SGCZ: variants seen among roughly 807,000 people sequenced by gnomAD.
SGCZ encodes the protein zeta-sarcoglycan.
SGCZ carries 40 observed loss-of-function variants against 41.3 expected under a neutral mutation model. The ratio of observed to expected loss-of-function variants is 0.97; its 90% confidence interval spans 0.75 to 1.26. The LOEUF is 1.26. SGCZ is among the 50% of genes most tolerant of loss of function. The pLI is 0.00. For missense variants in SGCZ, 552 were observed against 369.8 expected (o/e 1.49, Z -4.04); for synonymous variants, 206 against 137.5 (o/e 1.50, Z -3.49).
intron 1 of SGCZ, among the ~76,000 whole-genome samples, chr8:14,849,339 A>C (rs949224184): frequency 2.6e-5 from 4 of 152,146 alleles, no homozygotes; most frequent in African/African-American, 9.7e-5. Context: ...ATATCTCACC[A>C]AGAAAAAAAT....
At chr8:15,156,153 AT>A (rs1303438836) in intron 1 of SGCZ, among the ~76,000 whole-genome samples, 2 of 151,620 alleles carry the variant, frequency 1.3e-5, no homozygotes, top group Non-Finnish European at 2.9e-5. Context: ...GGTAACTTTC[AT>A]TTTTTTCTGT....
At chr8:14,292,717 G>C (rs1800882840) in intron 3 of SGCZ, among the ~76,000 whole-genome samples, 1 of 152,036 alleles carries the variant, frequency 6.6e-6, no homozygotes, top group African/African-American at 2.4e-5. Flanking sequence ...ACATTAGACA[G>C]GTTCTTTTAT....
At chr8:14,743,464 T>A (rs2081468089) in intron 1 of SGCZ, among the ~76,000 whole-genome samples, 2 of 152,060 alleles carry the variant, frequency 1.3e-5, no homozygotes, top group African/African-American at 2.4e-5. Flanking sequence ...AAAAGTAAAA[T>A]GAATCAGATT....
chr8:15,166,539 C>T (rs1439996048), intron 1 of SGCZ, among the ~76,000 whole-genome samples: 2 of 152,140 alleles, frequency 1.3e-5, no homozygotes, highest in Admixed American at 6.5e-5. Context: ...TGAGCCACCA[C>T]GCCTGGCCGA....
chr8:14,383,000 G>A (rs1029351140), intron 2 of SGCZ, among the ~76,000 whole-genome samples: 2 of 152,108 alleles, frequency 1.3e-5, no homozygotes, highest in African/African-American at 4.8e-5. Context: ...ATATGTGGAA[G>A]CATGCCACCA....
intron 1 of SGCZ, among the ~76,000 whole-genome samples, chr8:14,831,031 G>A (rs1253597127): frequency 1.3e-5 from 2 of 152,098 alleles, no homozygotes; most frequent in Non-Finnish European, 2.9e-5. Flanking sequence ...AAGTAATAAT[G>A]TGAACTTGGA....
At chr8:14,443,436 C>T (rs1451758935) in intron 2 of SGCZ, among the ~76,000 whole-genome samples, 1 of 152,120 alleles carries the variant, frequency 6.6e-6, no homozygotes, top group Non-Finnish European at 1.5e-5. Flanking sequence ...GTAACCAAAA[C>T]AGCATGGTAC....
intron 5 of SGCZ, among the ~76,000 whole-genome samples, chr8:14,147,975 A>C (rs2116943490): frequency 6.6e-6 from 1 of 152,300 alleles, no homozygotes; most frequent in African/African-American, 2.4e-5. Context: ...TAAAGAAATT[A>C]AGAAGGAAAT....
At chr8:14,507,965 T>C (rs1293547347) in intron 2 of SGCZ, among the ~76,000 whole-genome samples, 1 of 152,084 alleles carries the variant, frequency 6.6e-6, no homozygotes, top group East Asian at 1.9e-4. Context: ...GAGACGGGGT[T>C]TTTCCATGTT....
At chr8:14,339,397 C>A (rs1476142705) in intron 2 of SGCZ, among the ~76,000 whole-genome samples, 1 of 152,136 alleles carries the variant, frequency 6.6e-6, no homozygotes. Context: ...GAAACATTGA[C>A]AAAACTCTTA....
At chr8:15,129,511 T>C (rs574169658) in intron 1 of SGCZ, among the ~76,000 whole-genome samples, 1 of 152,050 alleles carries the variant, frequency 6.6e-6, no homozygotes, top group African/African-American at 2.4e-5. Context: ...ATCTCACACA[T>C]CCACAATGGA....
intron 1 of SGCZ, among the ~76,000 whole-genome samples, chr8:14,930,040 G>T (rs535606982): frequency 9.2e-5 from 14 of 151,980 alleles, no homozygotes; most frequent in Non-Finnish European, 1.6e-4. Flanking sequence ...TGGAGTCTTA[G>T]CAAGCACTTC....
intron 2 of SGCZ, among the ~76,000 whole-genome samples, chr8:14,416,613 T>C (rs1799500584): frequency 1.3e-5 from 2 of 151,940 alleles, no homozygotes; most frequent in South Asian, 4.1e-4. Flanking sequence ...TATTTGTCAA[T>C]ACTGGTAAAT....
chr8:15,023,862 G>A (rs1803348794), intron 1 of SGCZ, among the ~76,000 whole-genome samples: 1 of 152,158 alleles, frequency 6.6e-6, no homozygotes, highest in Non-Finnish European at 1.5e-5. Flanking sequence ...TAACCTGACT[G>A]ACTTCTTCTG....
At chr8:14,765,519 T>C (rs1469908322) in intron 1 of SGCZ, among the ~76,000 whole-genome samples, 1 of 152,188 alleles carries the variant, frequency 6.6e-6, no homozygotes, top group African/African-American at 2.4e-5. Context: ...CATATACAAA[T>C]GCACTGTTTC....
At chr8:14,503,409 C>G (rs998281899) in intron 2 of SGCZ, among the ~76,000 whole-genome samples, 2 of 152,060 alleles carry the variant, frequency 1.3e-5, no homozygotes, top group Admixed American at 6.6e-5. Flanking sequence ...CAAACCTGCA[C>G]ATTCTGCACA....
At chr8:14,323,123 T>G (rs974986869) in intron 3 of SGCZ, among the ~76,000 whole-genome samples, 4 of 152,056 alleles carry the variant, frequency 2.6e-5, no homozygotes, top group African/African-American at 9.7e-5. Flanking sequence ...TTGCATATTT[T>G]AAAAAAGAAA....
chr8:14,436,271 G>A (rs1563327951), intron 2 of SGCZ, among the ~76,000 whole-genome samples: 1 of 152,202 alleles, frequency 6.6e-6, no homozygotes, highest in Non-Finnish European at 1.5e-5. Flanking sequence ...AGAGCAGGGA[G>A]GAGAAAGGAG....
intron 5 of SGCZ, among the ~76,000 whole-genome samples, chr8:14,135,372 T>A (rs1164270796): frequency 1.3e-5 from 2 of 152,212 alleles, no homozygotes; most frequent in Non-Finnish European, 2.9e-5. Flanking sequence ...AGCAGAAATA[T>A]CATAGGCATG....
Sources: allele counts gnomAD v4.1 joint callset (sites outside exome capture counted in the v4.1 genomes callset), GRCh38; gene constraint gnomAD v4.1.1; transcripts MANE v1.5; gene names NCBI Gene and HGNC (gene_info 2026-07-23, HGNC 2026-07-21).